The following GPBP1L1 variants were observed in gnomAD, a reference collection of about 807,000 sequenced individuals.
GPBP1L1 encodes vasculin-like protein 1.
GPBP1L1 carries 23 observed loss-of-function variants against 52.5 expected under a neutral mutation model. The ratio of observed to expected loss-of-function variants is 0.44; its 90% CI spans 0.32 to 0.62. The LOEUF (loss-of-function observed/expected upper bound fraction) is 0.62, where lower values mean the gene tolerates loss of function less well. GPBP1L1 is among the 20% of genes least tolerant of loss of function. The pLI is 0.06. For synonymous variants in GPBP1L1, 243 were observed against 203.1 expected, an observed-to-expected ratio of 1.20 and a Z score of -1.67; for missense variants, 596 against 579.3, an observed-to-expected ratio of 1.03 and a Z score of -0.30.
intron 6 of GPBP1L1, chr1:45,654,244 T>A: frequency 4.5e-6 from 1 of 222,580 alleles, no homozygotes; most frequent in Non-Finnish European, 8.8e-6. Context: ...CAATTTAACA[T>A]GCAAGAGTAC....
intron 2 of GPBP1L1, among the ~76,000 whole-genome samples, chr1:45,667,842 G>A (rs562893939): frequency 6.6e-6 from 1 of 152,182 alleles, no homozygotes; most frequent in Admixed American, 6.5e-5. Context: ...CCACCTCCTG[G>A]GTTCAAACAA....
intron 2 of GPBP1L1, among the ~76,000 whole-genome samples, chr1:45,670,516 C>G (rs1390765416): frequency 6.6e-6 from 1 of 151,598 alleles, no homozygotes; most frequent in Non-Finnish European, 1.5e-5. Flanking sequence ...AGTTCTTCTC[C>G]AAGGTCCAAA....
intron 6 of GPBP1L1, chr1:45,645,960 G>T: frequency 2.0e-6 from 1 of 494,884 alleles, no homozygotes; most frequent in South Asian, 1.5e-5. Flanking sequence ...CTAGATCTTT[G>T]AGTTGCAAAT....
chr1:45,651,119 A>C, intron 6 of GPBP1L1: 4 of 503,924 alleles, frequency 7.9e-6, no homozygotes, highest in Non-Finnish European at 1.6e-5. Context: ...TTGCCTCCCC[A>C]GTGATGGCAG....
In GPBP1L1 at chr1:45,638,410, T is replaced by G. The variant is rs747649298; in HGVS notation, c.744+1800A>C. Among the ~76,000 whole-genome samples the G allele has an allele frequency of 3.0e-4, 46 of 152,366 alleles. 1 individual carries two copies. The Middle Eastern group carries it at 0.014, about 45-fold the overall frequency. ...ACATCAACTCAAAAGTCTCCTAAGA[T>G]AATCACTAAGGTTTTTTCTCAGTTA... On this transcript the variant is annotated intron_variant, in intron 8 of 12. Transcript: ENST00000355105.
intron 2 of GPBP1L1, among the ~76,000 whole-genome samples, chr1:45,673,138 T>C (rs1489450987): frequency 6.6e-6 from 1 of 151,904 alleles, no homozygotes; most frequent in Admixed American, 6.6e-5. Flanking sequence ...AGGGGTGAGA[T>C]GGGATGTACC....
chr1:45,642,574 C>A, intron 6 of GPBP1L1, 75 bp from the exon 7 acceptor site: 1 of 994,902 alleles, frequency 1.0e-6, no homozygotes, highest in Non-Finnish European at 1.6e-6. Flanking sequence ...TAGCCATCAC[C>A]ATGGAACCTA....
At chr1:45,645,426 C>T (rs895604122) in intron 6 of GPBP1L1, among the ~76,000 whole-genome samples, 50 of 152,190 alleles carry the variant, frequency 3.3e-4, no homozygotes. Context: ...CTCAAGCATA[C>T]AAAGTATAGA....
intron 6 of GPBP1L1, among the ~76,000 whole-genome samples, chr1:45,647,382 T>G (rs745408698): frequency 6.6e-6 from 1 of 152,174 alleles, no homozygotes; most frequent in Non-Finnish European, 1.5e-5. Flanking sequence ...TTCCAACAGT[T>G]TGTCCTCAGT....
intron 8 of GPBP1L1, 125 bp from the exon 9 acceptor site, chr1:45,634,361 AAC>A: frequency 1.0e-6 from 1 of 988,992 alleles, no homozygotes; most frequent in Middle Eastern, 3.4e-4. Context: ...TACCTGTCTT[AAC>A]ATGTTTGGGA....
chr1:45,670,173 G>A (rs531390260), intron 2 of GPBP1L1, among the ~76,000 whole-genome samples: 2 of 152,312 alleles, frequency 1.3e-5, no homozygotes, highest in East Asian at 3.9e-4. Flanking sequence ...CATATGGCCA[G>A]ACTGGAGGTT....
At chr1:45,665,997 C>T (rs886538942) in intron 2 of GPBP1L1, among the ~76,000 whole-genome samples, 7 of 152,040 alleles carry the variant, frequency 4.6e-5, no homozygotes, top group Non-Finnish European at 8.8e-5. Flanking sequence ...ACCAACAATA[C>T]GACAGGATTT....
chr1:45,681,010 T>C (rs1645206454), intron 2 of GPBP1L1, among the ~76,000 whole-genome samples: 1 of 151,916 alleles, frequency 6.6e-6, no homozygotes, highest in African/African-American at 2.4e-5. Flanking sequence ...CCCATGATAC[T>C]TGGCTCAATT....
intron 5 of GPBP1L1, 104 bp from the exon 6 acceptor site, chr1:45,654,933 C>CAA: frequency 8.4e-7 from 1 of 1,184,346 alleles, no homozygotes; most frequent in East Asian, 2.6e-5. Flanking sequence ...AAAGTCCACA[C>CAA]AAAAAAAATA....
chr1:45,648,025 C>T lies in GPBP1L1; in HGVS notation c.478-5526G>A, dbSNP rs576445013. ...GTGCCATCTGGGCTCACTGCAGCTA[C>T]GACCTGCCAGACTCAAGCAATCCTC... On this transcript the variant is annotated intron_variant, in intron 6 of 12. Coordinates refer to ENST00000355105, the MANE Select transcript of GPBP1L1 (RefSeq NM_021639.5). Among the ~76,000 whole-genome samples, 20 of 152,200 alleles carry T rather than the reference C, an allele frequency of 1.3e-4. No individual in the cohort carries two copies. The South Asian group carries it at 2.9e-3, about 22-fold the overall frequency.
chr1:45,654,398 A>T, intron 6 of GPBP1L1, 145 bp downstream of exon 6: 1 of 780,770 alleles, frequency 1.3e-6, no homozygotes, highest in Non-Finnish European at 1.9e-6. Flanking sequence ...TTATCAACTT[A>T]ACTTCTTTCC....
chr1:45,682,917 C>G (rs754356822), intron 2 of GPBP1L1, among the ~76,000 whole-genome samples: 13 of 152,142 alleles, frequency 8.5e-5, no homozygotes, highest in Admixed American at 6.6e-5. Context: ...TTAGAAGTAA[C>G]TTGGGCAATT....
At chr1:45,650,835 C>G (rs116694717) in intron 6 of GPBP1L1, among the ~76,000 whole-genome samples, 15 of 152,212 alleles carry the variant, frequency 9.9e-5, no homozygotes, top group African/African-American at 3.4e-4. Flanking sequence ...ACTATTATCT[C>G]TATTTTCAAG....
At position 45,629,454 on chromosome 1, in the gene GPBP1L1, T is replaced by TCTCC; in HGVS notation, c.1272+121_1272+122insGGAG. On this transcript the variant is annotated intron_variant, in intron 12 of 12. Coordinates refer to ENST00000355105, the MANE Select transcript of GPBP1L1 (RefSeq NM_021639.5). ...CCCCACTACATTTCTACTAAGGTAATCCCCCCCCCCCCCACCCGATCTTTC... is the reference window on the plus strand; with the variant it reads ...CCCCACTACATTTCTACTAAGGTAATCTCCCCCCCCCCCCCCCACCCGATCTTTC... The TCTCC allele has an allele frequency of 7.8e-5, 9 of 115,396 alleles. 1 individual carries two copies. The highest frequency in any genetic ancestry group is 3.9e-4 in the South Asian group (4 of 10,358). 7.1% of individuals were successfully genotyped at this position (115,396 alleles called of 1,614,324 possible).
Sources: gnomAD v4.1 joint callset for allele counts (sites outside exome capture counted in the v4.1 genomes callset) on GRCh38, gnomAD v4.1.1 for gene constraint, MANE v1.5 for transcripts, NCBI Gene and HGNC (gene_info 2026-07-23, HGNC 2026-07-21) for gene names.